MED13L: variants seen among roughly 807,000 people sequenced by gnomAD.
The protein encoded by MED13L is mediator complex subunit 13L, also known as mediator of RNA polymerase II transcription subunit 13-like.
A neutral mutation model predicts 220.9 loss-of-function variants in MED13L; 7 were observed. The ratio of observed to expected loss-of-function variants is 0.03; its 90% CI spans 0.02 to 0.06. MED13L has a LOEUF of 0.06. MED13L is among the 10% of genes least tolerant of loss of function. MED13L has a pLI of 1.00. For missense variants in MED13L, 1,965 were observed against 2,760.5 expected (o/e 0.71, Z 6.46); for synonymous variants, 1,011 against 1,015.2 (o/e 1.00, Z 0.08).
intron 4 of MED13L, among the ~76,000 whole-genome samples, chr12:116,084,986 C>G (rs1449696009): frequency 2.0e-5 from 3 of 152,106 alleles, no homozygotes. Flanking sequence ...ATTATATATA[C>G]TGCGATGTCC....
intron 2 of MED13L, among the ~76,000 whole-genome samples, chr12:116,211,954 A>G (rs947301196): frequency 1.3e-5 from 2 of 152,216 alleles, no homozygotes; most frequent in Admixed American, 6.5e-5. Context: ...AGTTTAATAA[A>G]TAACTATTAA....
At chr12:116,148,436 G>T in intron 2 of MED13L, 1 of 200,710 alleles carries the variant, frequency 5.0e-6, no homozygotes, top group East Asian at 1.3e-4. Context: ...GGCTCAAAAA[G>T]GAAAAAGAGA....
chr12:116,257,050 T>C (rs1872123084), intron 1 of MED13L, among the ~76,000 whole-genome samples: 1 of 152,228 alleles, frequency 6.6e-6, no homozygotes, highest in South Asian at 2.1e-4. Flanking sequence ...TTTAGAGGTA[T>C]ACACAATATT....
At chr12:116,067,783 T>C (rs1870059422) in intron 4 of MED13L, among the ~76,000 whole-genome samples, 1 of 152,072 alleles carries the variant, frequency 6.6e-6, no homozygotes, top group Non-Finnish European at 1.5e-5. Flanking sequence ...AAAATGAACA[T>C]AACAATCCTT....
chr12:116,167,340 G>A (rs1283157906), intron 2 of MED13L, among the ~76,000 whole-genome samples: 1 of 152,042 alleles, frequency 6.6e-6, no homozygotes, highest in Non-Finnish European at 1.5e-5. Flanking sequence ...AAAAAATACA[G>A]GGTACAAAAG....
chr12:116,195,941 T>C (rs1310823933), intron 2 of MED13L, among the ~76,000 whole-genome samples: 1 of 151,920 alleles, frequency 6.6e-6, no homozygotes, highest in African/African-American at 2.4e-5. Context: ...ATGTAAACAG[T>C]AAAAATTGAA....
intron 1 of MED13L, among the ~76,000 whole-genome samples, chr12:116,268,904 T>C (rs1452128792): frequency 1.3e-5 from 2 of 152,200 alleles, no homozygotes; most frequent in Non-Finnish European, 2.9e-5. Flanking sequence ...AATGAAGACT[T>C]AAATATTTTC....
intron 4 of MED13L, among the ~76,000 whole-genome samples, chr12:116,064,304 T>C (rs1213271833): frequency 6.6e-6 from 1 of 152,240 alleles, no homozygotes; most frequent in Non-Finnish European, 1.5e-5. Flanking sequence ...TAGTAGACTG[T>C]ATTATTGGGG....
Position 116,031,722 on chromosome 12 carries a change from A to AGG in MED13L, c.480-9122_480-9121insCC, listed in dbSNP as rs1566020600. ...AAAGAAAAGAAAAGAAAAGAAAAGA[A>AGG]AAGAAAAGAAAAGAAAAGAAAAGAA... On this transcript the variant is annotated intron_variant, in intron 4 of 30. Coordinates refer to ENST00000281928, the MANE Select transcript of MED13L (RefSeq NM_015335.5). Among the ~76,000 whole-genome samples the AGG allele has an allele frequency of 2.5e-3, 209 of 83,936 alleles. 4 individuals carry two copies. The highest frequency in any genetic ancestry group is 0.011 in the African/African-American group (171 of 15,996). 55.1% of individuals were successfully genotyped at this position (83,936 alleles called of 152,430 possible). A position where few individuals can be genotyped will look rare whatever the true frequency, so the allele number is the denominator to read the frequency against.
At chr12:116,116,633 T>G (rs926703486) in intron 2 of MED13L, among the ~76,000 whole-genome samples, 1 of 151,958 alleles carries the variant, frequency 6.6e-6, no homozygotes, top group African/African-American at 2.4e-5. Context: ...GTCAGAAGCT[T>G]TGGAGGTCCA....
intron 4 of MED13L, among the ~76,000 whole-genome samples, chr12:116,058,839 T>C (rs564287936): frequency 6.6e-6 from 1 of 152,302 alleles, no homozygotes; most frequent in African/African-American, 2.4e-5. Flanking sequence ...TTCTAAAACA[T>C]TAGTGTTTCA....
At chr12:116,084,260 G>C (rs1305956396) in intron 4 of MED13L, among the ~76,000 whole-genome samples, 1 of 152,126 alleles carries the variant, frequency 6.6e-6, no homozygotes, top group Non-Finnish European at 1.5e-5. Flanking sequence ...TTACCTTTTT[G>C]AACCTACAAA....
chr12:116,222,328 C>T (rs913646994), intron 2 of MED13L, among the ~76,000 whole-genome samples: 9 of 152,164 alleles, frequency 5.9e-5, no homozygotes, highest in Admixed American at 1.3e-4. Flanking sequence ...ACACTCCATT[C>T]CTTATTTTTA....
At chr12:116,273,893 A>G (rs1873599198) in intron 1 of MED13L, among the ~76,000 whole-genome samples, 1 of 152,266 alleles carries the variant, frequency 6.6e-6, no homozygotes, top group Non-Finnish European at 1.5e-5. Flanking sequence ...TCTCACAAGA[A>G]TGAGTTCACA....
chr12:116,031,735 GAA>G lies in MED13L; in HGVS notation c.480-9136_480-9135del, dbSNP rs1227742984. 5.5e-3 allele frequency among the ~76,000 whole-genome samples: 349 copies of G among 63,792 alleles called. 4 individuals carry two copies. The highest frequency in any genetic ancestry group is 0.019 in the Admixed American group (87 of 4,628). 41.9% of individuals were successfully genotyped at this position (63,792 alleles called of 152,430 possible). On this transcript the variant is annotated intron_variant, in intron 4 of 30. Coordinates refer to ENST00000281928, the MANE Select transcript of MED13L (RefSeq NM_015335.5). ...GAAAAGAAAAGAAAAGAAAAGAAAA[GAA>G]AAGAAAAGAAAAGAAAAGAAAAGAA...
In MED13L at chr12:115,983,315, G is replaced by A. The variant is rs781283428; in HGVS notation, c.4757C>T (p.Pro1586Leu). The change falls in exon 21 of 31, where the codon CCG becomes CTG. Residue 1586 changes from proline (P) to leucine (L), a missense_variant. Pro to Leu is a moderately conservative substitution (Grantham distance 98, BLOSUM62 -3). Around this residue, in one of 10 missense-constraint regions of MED13L, gnomAD observed 510 missense variants for 620.4 expected, o/e 0.82. Transcript: ENST00000281928. Reference protein sequence around the residue: ...SSSASGSSVPPVSSSASAPGI... With the variant: ...SSSASGSSVPLVSSSASAPGI... ...AGGAGCAGAGGCAGACGATGAGACC[G>A]GTGGCACAGAGGAACCAGATGCAGA... The A allele has an allele frequency of 8.1e-6, 13 of 1,614,182 alleles. No individual in the cohort carries two copies. The highest frequency in any genetic ancestry group is 1.3e-5 in the African/African-American group (1 of 75,050).
At chr12:116,007,031 G>T in intron 11 of MED13L, 1 of 299,632 alleles carries the variant, frequency 3.3e-6, no homozygotes, top group East Asian at 7.7e-5. Flanking sequence ...GATAAGAAGC[G>T]CTCGATAAAT....
chr12:116,145,846 G>C (rs1194190945), intron 2 of MED13L, among the ~76,000 whole-genome samples: 10 of 151,692 alleles, frequency 6.6e-5, no homozygotes, highest in Admixed American at 6.6e-4. Flanking sequence ...CACATTTTTA[G>C]TCTAAGCCTC....
chr12:116,239,113 C>T (rs1364836068), intron 1 of MED13L, among the ~76,000 whole-genome samples: 1 of 151,938 alleles, frequency 6.6e-6, no homozygotes, highest in African/African-American at 2.4e-5. Flanking sequence ...CAGAGTGAGA[C>T]TCTGTTTCAA....
Sources: allele counts gnomAD v4.1 joint callset (sites outside exome capture counted in the v4.1 genomes callset), GRCh38; gene constraint gnomAD v4.1.1; regional missense constraint gnomAD v4.1.1; transcripts MANE v1.5; gene names NCBI Gene and HGNC (gene_info 2026-07-23, HGNC 2026-07-21).